The following PDE4D variants were observed in gnomAD, a reference collection of about 807,000 sequenced individuals.
The protein encoded by PDE4D is 3',5'-cyclic-AMP phosphodiesterase 4D.
Under a neutral mutation model 87.4 loss-of-function variants are expected in PDE4D, and 24 were observed. The ratio of observed to expected loss-of-function variants is 0.27; its 90% CI spans 0.20 to 0.39. The LOEUF (loss-of-function observed/expected upper bound fraction) is 0.39, where lower values mean the gene tolerates loss of function less well. PDE4D is among the 10% of genes least tolerant of loss of function. The pLI, the probability that PDE4D is intolerant of heterozygous loss-of-function variation, is 1.00. For synonymous variants in PDE4D, 384 were observed against 383.2 expected (o/e 1.00, Z -0.02); for missense variants, 714 against 1,041.0 (o/e 0.69, Z 4.32).
intron 3 of PDE4D, among the ~76,000 whole-genome samples, chr5:59,907,490 C>T (rs573033830): frequency 3.9e-5 from 6 of 151,902 alleles, no homozygotes; most frequent in African/African-American, 1.2e-4. Flanking sequence ...GGGTACTAGG[C>T]GTAGTACCTG....
intron 1 of PDE4D, among the ~76,000 whole-genome samples, chr5:59,389,909 G>A (rs1011141792): frequency 6.6e-6 from 1 of 152,104 alleles, no homozygotes; most frequent in Non-Finnish European, 1.5e-5. Flanking sequence ...TTAGATAGAA[G>A]AAATAAGTTC....
chr5:59,111,349 C>T (rs963402286), intron 5 of PDE4D, among the ~76,000 whole-genome samples: 4 of 152,080 alleles, frequency 2.6e-5, no homozygotes, highest in Non-Finnish European at 2.9e-5. Flanking sequence ...CAAGCATGAT[C>T]CTGGAATTGC....
At chr5:59,112,869 C>G (rs1378766786) in intron 5 of PDE4D, among the ~76,000 whole-genome samples, 1 of 149,538 alleles carries the variant, frequency 6.7e-6, no homozygotes, top group Non-Finnish European at 1.5e-5. Flanking sequence ...GGCGCGATCT[C>G]AGCTCACCAC....
chr5:59,742,555 A>C (rs1397304082), intron 1 of PDE4D, among the ~76,000 whole-genome samples: 1 of 152,210 alleles, frequency 6.6e-6, no homozygotes, highest in Non-Finnish European at 1.5e-5. Context: ...GGCTTTGAAC[A>C]ACCCTAATTC....
At chr5:59,531,414 A>G (rs966174873) in intron 1 of PDE4D, among the ~76,000 whole-genome samples, 2 of 151,876 alleles carry the variant, frequency 1.3e-5, no homozygotes, top group Non-Finnish European at 2.9e-5. Context: ...TTTTTTACTT[A>G]TTTTTCTTGA....
intron 2 of PDE4D, among the ~76,000 whole-genome samples, chr5:60,052,892 G>A (rs558257152): frequency 3.3e-5 from 5 of 151,788 alleles, no homozygotes; most frequent in Admixed American, 6.6e-5. Context: ...CTATACATCA[G>A]TAATAGACAA....
chr5:60,136,332 T>G (rs1050731040), intron 2 of PDE4D, among the ~76,000 whole-genome samples: 30 of 152,058 alleles, frequency 2.0e-4, no homozygotes, highest in Admixed American at 1.2e-3. Flanking sequence ...TTTTTTAATT[T>G]TTGAGATGAA....
At chr5:59,569,368 T>C (rs969413350) in intron 1 of PDE4D, among the ~76,000 whole-genome samples, 1 of 152,154 alleles carries the variant, frequency 6.6e-6, no homozygotes, top group African/African-American at 2.4e-5. Flanking sequence ...TGGTTGCATC[T>C]TTCAAGAAGA....
In PDE4D at chr5:60,354,728, A is replaced by G. The variant is rs114612692; in HGVS notation, c.-90+133214T>C. Reference sequence around the variant, plus strand: ...AGTACTAGGACGTTTTTCTGGCTCAAATAAATTTTTTTCAATGTAATTGGT... The same window carrying G: ...AGTACTAGGACGTTTTTCTGGCTCAGATAAATTTTTTTCAATGTAATTGGT... On this transcript the variant is annotated intron_variant, in intron 1 of 16. Coordinates refer to the PDE4D transcript ENST00000502484. Among the ~76,000 whole-genome samples, 1,022 of 152,274 alleles carry G rather than the reference A, an allele frequency of 6.7e-3. 10 individuals carry two copies. Among genetic ancestry groups the G allele is most frequent in the African/African-American group, 0.022 (915 of 41,560 alleles).
At chr5:59,350,818 A>G (rs956789128) in intron 1 of PDE4D, among the ~76,000 whole-genome samples, 1 of 152,208 alleles carries the variant, frequency 6.6e-6, no homozygotes, top group African/African-American at 2.4e-5. Flanking sequence ...TAACTTGCCC[A>G]AAGTCTCATA....
chr5:59,597,306 A>G (rs1826838568), intron 1 of PDE4D, among the ~76,000 whole-genome samples: 1 of 152,348 alleles, frequency 6.6e-6, no homozygotes, highest in East Asian at 1.9e-4. Flanking sequence ...ATTAATGGTT[A>G]CATGATCAAG....
intron 1 of PDE4D, among the ~76,000 whole-genome samples, chr5:59,364,800 CCCTT>C (rs1782778212): frequency 6.6e-6 from 1 of 152,084 alleles, no homozygotes; most frequent in East Asian, 1.9e-4. Context: ...CAACCAGCCT[CCCTT>C]CCTTTTTTTC....
At chr5:60,305,554 C>CT (rs2149802602) in intron 1 of PDE4D, among the ~76,000 whole-genome samples, 1 of 151,876 alleles carries the variant, frequency 6.6e-6, no homozygotes, top group South Asian at 2.1e-4. Context: ...CCCAAGAAAA[C>CT]TTTCCTGATC....
chr5:59,217,609 G>A (rs1409726087), intron 1 of PDE4D, among the ~76,000 whole-genome samples: 1 of 152,172 alleles, frequency 6.6e-6, no homozygotes, highest in Non-Finnish European at 1.5e-5. Context: ...GACAATGAGA[G>A]ATTGTCAAGT....
chr5:59,171,846 T>C (rs1290558677), intron 5 of PDE4D, among the ~76,000 whole-genome samples: 1 of 136,206 alleles, frequency 7.3e-6, no homozygotes, highest in Non-Finnish European at 1.5e-5. Flanking sequence ...TATATATTTA[T>C]TTTATAATAA....
chr5:60,102,884 C>T (rs1776375132), intron 2 of PDE4D, among the ~76,000 whole-genome samples: 1 of 151,648 alleles, frequency 6.6e-6, no homozygotes, highest in Non-Finnish European at 1.5e-5. Context: ...CAGTGTTCTA[C>T]AATCCTGCCA....
chr5:59,926,763 T>G (rs1264267164), intron 3 of PDE4D, among the ~76,000 whole-genome samples: 1 of 152,048 alleles, frequency 6.6e-6, no homozygotes, highest in Non-Finnish European at 1.5e-5. Flanking sequence ...GGCAGTAAAT[T>G]GGAAAAGCTA....
At chr5:60,120,108 T>C (rs1778540319) in intron 2 of PDE4D, among the ~76,000 whole-genome samples, 1 of 152,226 alleles carries the variant, frequency 6.6e-6, no homozygotes, top group Non-Finnish European at 1.5e-5. Flanking sequence ...AGCATTGTTA[T>C]GCATTCCAGA....
chr5:59,864,708 C>T (rs1746762063), intron 1 of PDE4D, among the ~76,000 whole-genome samples: 1 of 151,966 alleles, frequency 6.6e-6, no homozygotes, highest in African/African-American at 2.4e-5. Flanking sequence ...AAATAACAAA[C>T]CCAACAGACT....
Sources: allele counts gnomAD v4.1 joint callset (sites outside exome capture counted in the v4.1 genomes callset), GRCh38; gene constraint gnomAD v4.1.1; transcripts MANE v1.5; gene names NCBI Gene and HGNC (gene_info 2026-07-23, HGNC 2026-07-21).